The following ALB variants were observed in gnomAD, a reference collection of about 807,000 sequenced individuals.
The protein encoded by ALB is serum albumin.
ALB carries 37 observed loss-of-function variants against 74.5 expected under a neutral mutation model. The ratio of observed to expected loss-of-function variants is 0.50; its 90% CI spans 0.38 to 0.65. The LOEUF (loss-of-function observed/expected upper bound fraction) is 0.65, where lower values mean the gene tolerates loss of function less well. Among genes scored for constraint, ALB ranks in the 30% least tolerant of loss-of-function variants. The pLI, the probability that ALB is intolerant of heterozygous loss-of-function variation, is 0.00. For missense variants in ALB, 685 were observed against 718.7 expected, an observed-to-expected ratio of 0.95 and a Z score of 0.54; for synonymous variants, 249 against 251.6, an observed-to-expected ratio of 0.99 and a Z score of 0.10.
At chr4:73,412,241 G>T in intron 7 of ALB, 116 bp downstream of exon 7, 1 of 1,301,098 alleles carries the variant, frequency 7.7e-7, no homozygotes, top group Non-Finnish European at 1.1e-6. Flanking sequence ...CTGTGCTTTC[G>T]TCTGTCCTAT....
chr4:73,404,325 A>G lies in ALB; in HGVS notation c.-3A>G. The G allele has an allele frequency of 6.2e-7, 1 of 1,613,168 alleles. No individual in the cohort carries two copies. The highest frequency in any genetic ancestry group is 8.5e-7 in the Non-Finnish European group (1 of 1,179,232). On this transcript the variant is annotated 5_prime_UTR_variant, in exon 1 of 15. Transcript: ENST00000295897. ...TCTGTCAACCCCACACGCCTTTGGC[A>G]CAATGAAGTGGGTAACCTTTATTTC...
At chr4:73,415,654 T>C (rs962638427) in intron 9 of ALB, among the ~76,000 whole-genome samples, 1 of 152,070 alleles carries the variant, frequency 6.6e-6, no homozygotes, top group Non-Finnish European at 1.5e-5. Context: ...ATTTTTAGGG[T>C]TCCCACTAGC....
rs754547441 is a variant in ALB at position 73,405,132 on chromosome 4, T to C, written c.96T>C (p.Ala32=). 1.4e-5 allele frequency: 23 copies of C among 1,613,846 alleles called. No individual in the cohort carries two copies. The highest frequency in any genetic ancestry group is 1.9e-5 in the Non-Finnish European group (22 of 1,179,796). ...FRRDAHKSEV[A]HRFKDLGEEN... Reference sequence around the variant, plus strand: ...CTTGCCCAGACAAGAGTGAGGTTGCTCATCGGTTTAAAGATTTGGGAGAAG... The same window carrying C: ...CTTGCCCAGACAAGAGTGAGGTTGCCCATCGGTTTAAAGATTTGGGAGAAG... The change falls in exon 2 of 15, where the codon GCT becomes GCC. Residue 32 remains alanine, a synonymous_variant. Coordinates refer to ENST00000295897, the MANE Select transcript of ALB (RefSeq NM_000477.7).
chr4:73,414,720 G>T (rs1718971162), intron 8 of ALB, among the ~76,000 whole-genome samples: 1 of 152,108 alleles, frequency 6.6e-6, no homozygotes, highest in African/African-American at 2.4e-5. Context: ...CTCCTAAAGT[G>T]CTGGGATTAC....
chr4:73,413,920 C>G (rs760472566), intron 8 of ALB, among the ~76,000 whole-genome samples: 25 of 152,176 alleles, frequency 1.6e-4, no homozygotes, highest in Non-Finnish European at 2.9e-4. Context: ...ATGTATACTT[C>G]AGTCATTCAT....
intron 14 of ALB, 120 bp downstream of exon 14, chr4:73,420,441 G>A: frequency 1.7e-6 from 1 of 572,798 alleles, no homozygotes; most frequent in Non-Finnish European, 3.0e-6. Context: ...AACTATTTAT[G>A]TATGTAAATA....
At chr4:73,410,655 AG>A (rs1718851674) in intron 6 of ALB, among the ~76,000 whole-genome samples, 1 of 152,148 alleles carries the variant, frequency 6.6e-6, no homozygotes, top group Admixed American at 6.5e-5. Flanking sequence ...TCCTAAAAAA[AG>A]GGACAGATAT....
At position 73,408,719 on chromosome 4, in the gene ALB, C is replaced by A. The variant is rs1336360131; in HGVS notation, c.396C>A (p.Asp132Glu). 4 of 1,614,026 alleles carry A rather than the reference C, an allele frequency of 2.5e-6. No homozygotes were observed. In the Admixed American group the frequency reaches 6.7e-5, roughly 27 times the overall value. ...RNECFLQHKD[D>E]NPNLPRLVRP... ...AATGCTTCTTGCAACACAAAGATGA[C>A]AACCCAAACCTCCCCCGATTGGTGA... Residue 132 changes from aspartate to glutamate, a missense_variant, in exon 4 of 15, where the codon GAC (aspartate) becomes GAA (glutamate). Transcript: ENST00000295897.
chr4:73,411,100 C>T (rs1447657279), intron 6 of ALB, among the ~76,000 whole-genome samples: 1 of 152,144 alleles, frequency 6.6e-6, no homozygotes, highest in Non-Finnish European at 1.5e-5. Flanking sequence ...CACTCCTCAC[C>T]TGCTAGTCAA....
intron 11 of ALB, 120 bp from the exon 12 acceptor site, chr4:73,417,968 C>T (rs1361588622): frequency 2.1e-6 from 2 of 955,538 alleles, no homozygotes; most frequent in East Asian, 2.6e-5. Flanking sequence ...CCTGCCTCAG[C>T]CTCCCAAGTA....
At chr4:73,408,883 C>G (rs1718799252) in intron 4 of ALB, 78 bp downstream of exon 4, 1 of 1,240,834 alleles carries the variant, frequency 8.1e-7, no homozygotes, top group Non-Finnish European at 1.1e-6. Flanking sequence ...TAAAAATTAC[C>G]ATAACAAAAA....
intron 12 of ALB, among the ~76,000 whole-genome samples, chr4:73,418,802 G>T (rs1333519831): frequency 6.6e-6 from 1 of 152,072 alleles, no homozygotes; most frequent in Non-Finnish European, 1.5e-5. Flanking sequence ...CTATCACAGG[G>T]GTTATAATTG....
chr4:73,413,097 G>GCACT (rs773708685), intron 7 of ALB, among the ~76,000 whole-genome samples: 2 of 152,094 alleles, frequency 1.3e-5, no homozygotes, highest in Non-Finnish European at 2.9e-5. Flanking sequence ...CAAAAGGCCT[G>GCACT]CACTTAATTT....
Position 73,410,391 on chromosome 4 carries a change from A to C in ALB, c.695A>C (p.Glu232Ala). 1 of 1,612,628 alleles carries C rather than the reference A, an allele frequency of 6.2e-7. No homozygotes were observed. Among genetic ancestry groups the C allele is most frequent in the Non-Finnish European group, 8.5e-7 (1 of 1,178,656 alleles). ...TGTGCCAGTCTCCAAAAATTTGGAG[A>C]AAGAGCTTTCAAAGCATGGTAAATA... The part of the protein sequence containing the change: ...LKCASLQKFG[E>A]RAFKAWAVAR... Residue 232 changes from glutamate (E) to alanine (A), a missense_variant, in exon 6 of 15, where the codon GAA (glutamate) becomes GCA (alanine). By Grantham distance (107) the Glu-to-Ala change is moderately radical. Coordinates refer to ENST00000295897, the MANE Select transcript of ALB (RefSeq NM_000477.7).
chr4:73,417,880 G>A (rs550745543), intron 11 of ALB: 102 of 687,886 alleles, frequency 1.5e-4, no homozygotes, highest in African/African-American at 9.7e-4. Context: ...ACGGAGTCTC[G>A]CTTTGTTGTC....
At chr4:73,406,827 AT>A (rs966919944) in intron 3 of ALB, 66 bp downstream of exon 3, 46 of 1,586,576 alleles carry the variant, frequency 2.9e-5, no homozygotes, top group African/African-American at 4.1e-5. Flanking sequence ...TTTCAAAGGA[AT>A]TTTTTTTAAG....
chr4:73,418,398 G>A, intron 12 of ALB, 87 bp downstream of exon 12: 1 of 1,183,846 alleles, frequency 8.4e-7, no homozygotes, highest in Admixed American at 1.9e-5. Flanking sequence ...CTGAAGTAGT[G>A]ATTATATTTC....
chr4:73,405,240 T>C (rs1194564017), intron 2 of ALB, 67 bp downstream of exon 2: 1 of 1,330,632 alleles, frequency 7.5e-7, no homozygotes, highest in African/African-American at 1.4e-5. Flanking sequence ...TCTAAAGTGC[T>C]TATATTTCCT....
At chr4:73,411,938 T>C in intron 6 of ALB, 58 bp from the exon 7 acceptor site, 3 of 1,602,054 alleles carry the variant, frequency 1.9e-6, no homozygotes, top group Admixed American at 3.3e-5. Context: ...ATTTGCCTAG[T>C]GTTTTCATAT....
Sources: allele counts gnomAD v4.1 joint callset (sites outside exome capture counted in the v4.1 genomes callset), GRCh38; gene constraint gnomAD v4.1.1; transcripts MANE v1.5; gene names NCBI Gene and HGNC (gene_info 2026-07-23, HGNC 2026-07-21).